The following CHST9 variants were observed in gnomAD, a reference collection of about 807,000 sequenced individuals.
CHST9 encodes carbohydrate sulfotransferase 9.
Under a neutral mutation model 44.4 loss-of-function variants are expected in CHST9, and 41 were observed. That is an observed-to-expected ratio of 0.92 (90% CI 0.72 to 1.20). CHST9 has a LOEUF of 1.20. CHST9 is among the 50% of genes most tolerant of loss of function. The pLI, the probability that CHST9 is intolerant of heterozygous loss-of-function variation, is 0.00. For missense variants in CHST9, 504 were observed against 516.5 expected (o/e 0.98, Z 0.23); for synonymous variants, 171 against 178.4 (o/e 0.96, Z 0.33).
At chr18:27,137,817 T>C (rs959000434) in intron 2 of CHST9, among the ~76,000 whole-genome samples, 2 of 151,996 alleles carry the variant, frequency 1.3e-5, no homozygotes, top group Admixed American at 6.6e-5. Flanking sequence ...TTGGTATGAG[T>C]TCCATATAGC....
At chr18:27,135,055 C>CA (rs1046450774) in intron 2 of CHST9, among the ~76,000 whole-genome samples, 2 of 151,918 alleles carry the variant, frequency 1.3e-5, no homozygotes, top group African/African-American at 4.8e-5. Flanking sequence ...TTTTTTACCA[C>CA]AAAAAAATTA....
intron 2 of CHST9, among the ~76,000 whole-genome samples, chr18:27,088,174 G>C (rs564923394): frequency 2.6e-5 from 4 of 152,118 alleles, no homozygotes; most frequent in African/African-American, 7.2e-5. Context: ...CAGTAAATGA[G>C]AGGGGAATTT....
At chr18:27,088,790 G>T (rs1028430544) in intron 2 of CHST9, among the ~76,000 whole-genome samples, 4 of 152,078 alleles carry the variant, frequency 2.6e-5, no homozygotes, top group East Asian at 3.9e-4. Context: ...TGCCATCTTC[G>T]AGATAGATGC....
chr18:27,086,460 T>C (rs989357540), intron 2 of CHST9, among the ~76,000 whole-genome samples: 32 of 152,228 alleles, frequency 2.1e-4, no homozygotes, highest in African/African-American at 7.7e-4. Flanking sequence ...CATTCCTAAT[T>C]GAGTATTTCC....
At chr18:27,115,985 G>C (rs769834481) in intron 2 of CHST9, among the ~76,000 whole-genome samples, 2 of 151,992 alleles carry the variant, frequency 1.3e-5, no homozygotes, top group Non-Finnish European at 2.9e-5. Flanking sequence ...TTTTTTAATT[G>C]AGTTGTTTCT....
At chr18:26,993,797 C>A (rs1598622277) in intron 4 of CHST9, among the ~76,000 whole-genome samples, 3 of 152,282 alleles carry the variant, frequency 2.0e-5, no homozygotes, top group Admixed American at 2.0e-4. Flanking sequence ...AGATTCTGAT[C>A]ATAAAATAAC....
intron 4 of CHST9, among the ~76,000 whole-genome samples, chr18:27,010,230 T>C (rs2057066369): frequency 6.6e-6 from 1 of 152,214 alleles, no homozygotes; most frequent in Admixed American, 6.5e-5. Context: ...TTCTTAACTT[T>C]TAGCCCTGGG....
chr18:26,942,111 G>A (rs1474846493), intron 5 of CHST9, among the ~76,000 whole-genome samples: 2 of 151,962 alleles, frequency 1.3e-5, no homozygotes, highest in Admixed American at 1.3e-4. Flanking sequence ...ATCTAAAGTG[G>A]GTTTTCAAAA....
intron 5 of CHST9, 111 bp from the exon 6 acceptor site, chr18:26,917,461 A>G: frequency 7.9e-7 from 1 of 1,265,882 alleles, no homozygotes; most frequent in Non-Finnish European, 1.1e-6. Context: ...AGCATATTTC[A>G]TATAAGCTGC....
intron 2 of CHST9, among the ~76,000 whole-genome samples, chr18:27,134,042 C>T (rs1862146125): frequency 2.0e-5 from 3 of 152,010 alleles, no homozygotes. Context: ...AACATAAAGT[C>T]CTTCTATGTA....
At chr18:27,117,326 C>T (rs1482125679) in intron 2 of CHST9, among the ~76,000 whole-genome samples, 4 of 151,958 alleles carry the variant, frequency 2.6e-5, no homozygotes, top group Admixed American at 2.6e-4. Context: ...TACCCCCTGC[C>T]CCACACAAGC....
chr18:27,141,906 T>C (rs2058571257), intron 2 of CHST9, among the ~76,000 whole-genome samples: 1 of 152,096 alleles, frequency 6.6e-6, no homozygotes, highest in African/African-American at 2.4e-5. Context: ...TTCTATGATA[T>C]TCTAAGTTTT....
chr18:27,046,635 T>C (rs1000995924), intron 3 of CHST9, among the ~76,000 whole-genome samples: 1 of 152,042 alleles, frequency 6.6e-6, no homozygotes, highest in Non-Finnish European at 1.5e-5. Context: ...GAAGTCTACA[T>C]TCAGGCCAGT....
At chr18:26,974,120 A>T (rs1283358246) in intron 4 of CHST9, among the ~76,000 whole-genome samples, 1 of 152,232 alleles carries the variant, frequency 6.6e-6, no homozygotes, top group African/African-American at 2.4e-5. Flanking sequence ...GAAGTATGGC[A>T]TTTGAACTAT....
intron 4 of CHST9, among the ~76,000 whole-genome samples, chr18:27,017,667 A>G (rs2057170923): frequency 6.6e-6 from 1 of 152,196 alleles, no homozygotes; most frequent in Admixed American, 6.5e-5. Context: ...GGGCAAAGAG[A>G]AAACTATTTA....
At chr18:26,975,048 A>G (rs148673496) in intron 4 of CHST9, among the ~76,000 whole-genome samples, 3 of 152,338 alleles carry the variant, frequency 2.0e-5, no homozygotes, top group East Asian at 1.9e-4. Context: ...TCCAGGCCAG[A>G]GAGCTGTTAC....
At chr18:27,141,586 C>A (rs866876141) in intron 2 of CHST9, among the ~76,000 whole-genome samples, 2 of 105,686 alleles carry the variant, frequency 1.9e-5, no homozygotes, top group South Asian at 7.3e-4. Flanking sequence ...AGTAAAATCC[C>A]GACTCAAAAA....
chr18:27,054,228 T>G (rs1164681872), intron 2 of CHST9, among the ~76,000 whole-genome samples: 2 of 152,174 alleles, frequency 1.3e-5, no homozygotes, highest in Non-Finnish European at 2.9e-5. Context: ...ATATTACAAC[T>G]GACAACCAAG....
At chr18:27,157,518 T>C (rs962769921) in intron 1 of CHST9, among the ~76,000 whole-genome samples, 9 of 152,116 alleles carry the variant, frequency 5.9e-5, no homozygotes, top group Non-Finnish European at 8.8e-5. Context: ...AATAGAGAAA[T>C]AGCATGGACT....
Sources: allele counts gnomAD v4.1 joint callset (sites outside exome capture counted in the v4.1 genomes callset), GRCh38; gene constraint gnomAD v4.1.1; transcripts MANE v1.5; gene names NCBI Gene and HGNC (gene_info 2026-07-23, HGNC 2026-07-21).